The following PKIB variants were observed in gnomAD, a reference collection of about 807,000 sequenced individuals.
The protein encoded by PKIB is cAMP-dependent protein kinase inhibitor beta, also known as PKI-beta.
In PKIB, 2 loss-of-function variants were observed where a neutral mutation model predicts 4.5. That is an observed-to-expected ratio of 0.44 (90% CI 0.18 to 1.39). The LOEUF (loss-of-function observed/expected upper bound fraction) is 1.39, where lower values mean the gene tolerates loss of function less well. Ranked by LOEUF, PKIB falls within the 40% of genes most tolerant of loss-of-function variation. The pLI, the probability that PKIB is intolerant of heterozygous loss-of-function variation, is 0.27. For missense variants in PKIB, 94 were observed against 92.6 expected, an observed-to-expected ratio of 1.02 and a Z score of -0.06; for synonymous variants, 38 against 36.0, an observed-to-expected ratio of 1.06 and a Z score of -0.20.
chr6:122,659,414 C>T (rs17052989), intron 2 of PKIB, among the ~76,000 whole-genome samples: 21,568 of 152,096 alleles, frequency 0.14, 2,186 homozygotes, highest in South Asian at 0.34. Flanking sequence ...TGTGCATAAT[C>T]GATCTATGGA....
chr6:122,650,953 G>A (rs1162015804), intron 2 of PKIB, among the ~76,000 whole-genome samples: 1 of 152,152 alleles, frequency 6.6e-6, no homozygotes, highest in Non-Finnish European at 1.5e-5. Context: ...GAACCAAACT[G>A]TTAGAGCCTT....
At chr6:122,566,262 C>T (rs748802277) in intron 2 of PKIB, among the ~76,000 whole-genome samples, 4 of 152,104 alleles carry the variant, frequency 2.6e-5, no homozygotes, top group Admixed American at 6.5e-5. Flanking sequence ...TCATCACTGT[C>T]ATGAGGAACA....
chr6:122,609,148 T>G (rs1457229501), upstream of PKIB, among the ~76,000 whole-genome samples: 5 of 152,206 alleles, frequency 3.3e-5, no homozygotes, highest in Non-Finnish European at 7.3e-5. Context: ...AGTACTTTTT[T>G]GCAATTACTT....
chr6:122,568,061 G>A (rs770931398), intron 2 of PKIB, among the ~76,000 whole-genome samples: 19 of 151,892 alleles, frequency 1.3e-4, no homozygotes, highest in African/African-American at 1.9e-4. Flanking sequence ...ATTTTCATAC[G>A]TCAAAAAACG....
intron 3 of PKIB, among the ~76,000 whole-genome samples, chr6:122,588,617 A>G (rs1257163347): frequency 6.6e-6 from 1 of 152,190 alleles, no homozygotes; most frequent in Non-Finnish European, 1.5e-5. Context: ...GTAGTTTTTT[A>G]AAAAATCACA....
chr6:122,719,709 CCACACATACACACACACA>C (rs1172312342), intron 4 of PKIB, among the ~76,000 whole-genome samples: 3,280 of 137,858 alleles, frequency 0.024, 45 homozygotes, highest in Non-Finnish European at 0.034. Flanking sequence ...AGTGTTCCCA[CCACACATACACACACACA>C]CACACACACA....
chr6:122,694,013 T>C (rs938399631), intron 3 of PKIB, among the ~76,000 whole-genome samples: 4 of 152,166 alleles, frequency 2.6e-5, no homozygotes, highest in African/African-American at 4.8e-5. Flanking sequence ...ATTGGATGAG[T>C]AGGCTTCCAA....
At chr6:122,567,685 T>C (rs1773233377) in intron 2 of PKIB, among the ~76,000 whole-genome samples, 1 of 152,090 alleles carries the variant, frequency 6.6e-6, no homozygotes, top group Non-Finnish European at 1.5e-5. Context: ...AAAAGAACTC[T>C]TATAAAACAA....
At chr6:122,473,637 C>T (rs1237945048) in intron 1 of PKIB, among the ~76,000 whole-genome samples, 3 of 152,190 alleles carry the variant, frequency 2.0e-5, no homozygotes, top group African/African-American at 4.8e-5. Flanking sequence ...ACACCAGTCT[C>T]ATTTTTCTCT....
intron 2 of PKIB, among the ~76,000 whole-genome samples, chr6:122,518,895 CACCACATGCTG>C (rs1776845859): frequency 6.6e-6 from 1 of 152,168 alleles, no homozygotes; most frequent in Non-Finnish European, 1.5e-5. Flanking sequence ...GCAGACTGAG[CACCACATGCTG>C]ACCACTTTAC....
intron 2 of PKIB, among the ~76,000 whole-genome samples, chr6:122,579,834 A>G (rs1773653988): frequency 6.6e-6 from 1 of 152,204 alleles, no homozygotes; most frequent in Non-Finnish European, 1.5e-5. Context: ...AATAAATCTT[A>G]TCTGCACCTT....
At chr6:122,545,680 T>G (rs1772471854) in intron 2 of PKIB, among the ~76,000 whole-genome samples, 2 of 150,684 alleles carry the variant, frequency 1.3e-5, no homozygotes, top group South Asian at 4.2e-4. Flanking sequence ...AAACTACCTA[T>G]CAGGTATTAT....
At chr6:122,567,059 A>T (rs1354719130) in intron 2 of PKIB, among the ~76,000 whole-genome samples, 4 of 152,210 alleles carry the variant, frequency 2.6e-5, no homozygotes, top group African/African-American at 9.6e-5. Context: ...TATAGAGGTA[A>T]AAATTTCAAT....
At chr6:122,677,296 A>C (rs10452643) in intron 3 of PKIB, among the ~76,000 whole-genome samples, 43,730 of 152,148 alleles carry the variant, frequency 0.29, 6,939 homozygotes, top group Middle Eastern at 0.35. Flanking sequence ...GGGCTGAAGC[A>C]AGGCCTTGGA....
At position 122,577,728 on chromosome 6, in the gene PKIB, T is replaced by C. The variant is rs1462924056; in HGVS notation, c.-247-8193T>C. Reference sequence around the variant, plus strand: ...ATCGAGACCATCCTGGCTAACACAGTGAAACCCCGTCTCTACTAAAAATAC... The same window carrying C: ...ATCGAGACCATCCTGGCTAACACAGCGAAACCCCGTCTCTACTAAAAATAC... On this transcript the variant is annotated intron_variant, in intron 2 of 6. Coordinates refer to the PKIB transcript ENST00000392491. Among the ~76,000 whole-genome samples the C allele has an allele frequency of 2.0e-5, 3 of 151,524 alleles. No individual in the cohort carries two copies. The South Asian group carries it at 6.2e-4, about 32-fold the overall frequency.
chr6:122,600,800 G>A (rs930824207), intron 3 of PKIB, among the ~76,000 whole-genome samples: 2 of 152,090 alleles, frequency 1.3e-5, no homozygotes. Context: ...TAGGCATGCA[G>A]GGAAGCAGGA....
At chr6:122,699,727 A>G (rs959402577) in intron 3 of PKIB, among the ~76,000 whole-genome samples, 23 of 152,202 alleles carry the variant, frequency 1.5e-4, no homozygotes, top group African/African-American at 5.5e-4. Context: ...CTGTCAAGCC[A>G]ATTTATAAGT....
chr6:122,576,116 T>C (rs1395294454), intron 2 of PKIB, among the ~76,000 whole-genome samples: 6 of 152,208 alleles, frequency 3.9e-5, no homozygotes, highest in Non-Finnish European at 8.8e-5. Context: ...AAGAAACATT[T>C]TGAGATTATG....
intron 2 of PKIB, among the ~76,000 whole-genome samples, chr6:122,490,053 A>G (rs978875251): frequency 1.3e-5 from 2 of 152,210 alleles, no homozygotes; most frequent in Non-Finnish European, 2.9e-5. Context: ...TATGCATCCA[A>G]GTTCTTCAAA....
Sources: allele counts gnomAD v4.1 joint callset (sites outside exome capture counted in the v4.1 genomes callset), GRCh38; gene constraint gnomAD v4.1.1; transcripts MANE v1.5; gene names NCBI Gene and HGNC (gene_info 2026-07-23, HGNC 2026-07-21).